Variants in TGIF1 observed in about 807,000 individuals in gnomAD.
The protein encoded by TGIF1 is TGFB induced factor homeobox 1, also known as homeobox protein TGIF1.
A neutral mutation model predicts 19.3 loss-of-function variants in TGIF1; 4 were observed. The observed-to-expected ratio is 0.21, with a 90% CI of 0.10 to 0.47. TGIF1 has a LOEUF of 0.47. Ranked by LOEUF, TGIF1 falls within the 20% of genes least tolerant of loss-of-function variation. The probability of loss-of-function intolerance (pLI) is 0.98; values close to 1 mark genes in which losing one functional copy is unlikely to be tolerated. For synonymous variants in TGIF1, 122 were observed against 129.3 expected (o/e 0.94, Z 0.38); for missense variants, 275 against 341.4 (o/e 0.81, Z 1.53).
chr18:3,454,625 T>C (rs7240659), intron 1 of TGIF1, among the ~76,000 whole-genome samples: 5,738 of 152,314 alleles, frequency 0.038, 280 homozygotes, highest in African/African-American at 0.12. Flanking sequence ...AAGTCTCATC[T>C]TGCCAATAGT....
At chr18:3,439,856 A>G (rs2082660596) in intron 2 of TGIF1, among the ~76,000 whole-genome samples, 1 of 150,948 alleles carries the variant, frequency 6.6e-6, no homozygotes, top group Non-Finnish European at 1.5e-5. Context: ...CCCGGTCTCT[A>G]AAAAAAATAC....
rs557160202 is a variant in TGIF1, at chr18:3,434,393, G to A, written c.-45+16178G>A. ...CTCTACTAAAAATACAAAATTACCC[G>A]GGCGTGGTGGTGCATGCCTGTAATC... On this transcript the variant is annotated intron_variant, in intron 2 of 3. Transcript: ENST00000401449. 2.0e-5 allele frequency among the ~76,000 whole-genome samples: 3 copies of A among 151,874 alleles called. No homozygotes were observed. In the East Asian group the frequency reaches 5.8e-4, roughly 30 times the overall value.
intron 1 of TGIF1, among the ~76,000 whole-genome samples, chr18:3,416,846 G>A (rs903914297): frequency 4.0e-5 from 6 of 150,592 alleles, no homozygotes; most frequent in African/African-American, 9.7e-5. Flanking sequence ...CAGGAGAATC[G>A]CTTGAACCCA....
chr18:3,449,386 G>A (rs2082825500), upstream of TGIF1: 6 of 985,298 alleles, frequency 6.1e-6, no homozygotes, highest in Admixed American at 6.2e-5. Flanking sequence ...CGCGCGCCCG[G>A]CCGTCCCCGG....
chr18:3,422,386 G>A (rs937969120), intron 2 of TGIF1, among the ~76,000 whole-genome samples: 5 of 150,458 alleles, frequency 3.3e-5, no homozygotes, highest in Non-Finnish European at 4.4e-5. Context: ...GAGCTGTACA[G>A]TGTGCTTGTT....
chr18:3,442,217 A>G (rs575155808), intron 2 of TGIF1, among the ~76,000 whole-genome samples: 2 of 152,280 alleles, frequency 1.3e-5, no homozygotes, highest in South Asian at 2.1e-4. Flanking sequence ...ATTTCTGTCA[A>G]TTTTATTCCT....
chr18:3,429,557 A>C (rs1311338272), intron 2 of TGIF1, among the ~76,000 whole-genome samples: 3 of 152,328 alleles, frequency 2.0e-5, no homozygotes, highest in East Asian at 3.9e-4. Flanking sequence ...CATGGGCTTT[A>C]CCGAATCGAG....
At chr18:3,430,531 C>G (rs2082533268) in intron 2 of TGIF1, among the ~76,000 whole-genome samples, 1 of 152,136 alleles carries the variant, frequency 6.6e-6, no homozygotes. Flanking sequence ...GAGACGAAGT[C>G]TTGCTCTGTC....
rs546746343 is a variant in TGIF1 at position 3,418,851 on chromosome 18, A to G, written c.-45+636A>G. 5 of 152,354 alleles carry G rather than the reference A, an allele frequency of 3.3e-5. No homozygotes were observed. In the East Asian group the frequency reaches 9.6e-4, roughly 29 times the overall value. The allele number at this position is 152,354 out of a possible 1,614,324, so 9.4% of individuals were successfully genotyped here. ...GGTGGGCGGATCACCTGAGGTCAGG[A>G]GTTTGAGACCAGCCTGGCCAACATG... On this transcript the variant is annotated intron_variant, in intron 2 of 3. Coordinates refer to the TGIF1 transcript ENST00000401449.
intron 2 of TGIF1, among the ~76,000 whole-genome samples, chr18:3,420,077 C>G (rs2082382495): frequency 2.0e-5 from 3 of 151,802 alleles, no homozygotes; most frequent in Admixed American, 2.0e-4. Context: ...TGTAAATGCT[C>G]AATTAAAATC....
At chr18:3,416,762 T>G (rs1417472037) in intron 1 of TGIF1, among the ~76,000 whole-genome samples, 1 of 151,716 alleles carries the variant, frequency 6.6e-6, no homozygotes, top group Non-Finnish European at 1.5e-5. Flanking sequence ...TGAATCCCCA[T>G]CTCTACTAAA....
At chr18:3,413,829 GGCT>G (rs1371221733) in intron 1 of TGIF1, among the ~76,000 whole-genome samples, 1 of 152,098 alleles carries the variant, frequency 6.6e-6, no homozygotes, top group Non-Finnish European at 1.5e-5. Flanking sequence ...TTCATTCTAT[GGCT>G]GCCGTAATAA....
chr18:3,457,959 A>G lies in TGIF1; in HGVS notation c.*19A>G, dbSNP rs145621092. The stretch of plus-strand genomic sequence containing the variant: ...AGCTTAACCCATTTTCAAGCAAAAC[A>G]GTTCTCAGAAATGTCATGATTGCCG... On this transcript the variant is annotated 3_prime_UTR_variant, in exon 3 of 3. Transcript: ENST00000343820. This position sits in a 1 kb window ranked among gnomAD's most constrained non-coding sequence, Gnocchi z 4.9. 2.5e-4 allele frequency: 396 copies of G among 1,596,582 alleles called. 2 individuals are homozygous for G. The Middle Eastern group carries it at 6.3e-3, about 25-fold the overall frequency.
chr18:3,423,054 C>T (rs1163202513), intron 2 of TGIF1, among the ~76,000 whole-genome samples: 1 of 151,982 alleles, frequency 6.6e-6, no homozygotes, highest in Non-Finnish European at 1.5e-5. Context: ...CAATACTTAC[C>T]ATTGTGTTGC....
At position 3,456,290 on chromosome 18, in the gene TGIF1, G is replaced by A; in HGVS notation, c.17-64G>A. 1 of 1,461,886 alleles carries A rather than the reference G, an allele frequency of 6.8e-7. No homozygotes were observed. The highest frequency in any genetic ancestry group is 9.6e-7 in the Non-Finnish European group (1 of 1,042,670). The allele number at this position is 1,461,886 out of a possible 1,614,324, so 90.6% of individuals were successfully genotyped here. A position where few individuals can be genotyped will look rare whatever the true frequency, so the allele number is the denominator to read the frequency against. ...GGTTACATTGAATGGTCAGCGTTAA[G>A]TGAGCTTTGCAATAGTTGCTGTGCT... is the stretch of plus-strand genomic sequence containing the variant. On this transcript the variant is annotated intron_variant, in intron 1 of 2. Transcript: ENST00000343820. The surrounding 1 kb of genome is among the most constrained non-coding windows in gnomAD (Gnocchi z 4.2).
In TGIF1 at chr18:3,457,976, T is replaced by C; in HGVS notation, c.*36T>C. The C allele has an allele frequency of 6.3e-7, 1 of 1,582,858 alleles. No homozygotes were observed. Among genetic ancestry groups the C allele is most frequent in the African/African-American group, 1.3e-5 (1 of 74,666 alleles). On this transcript the variant is annotated 3_prime_UTR_variant, in exon 3 of 3. Coordinates refer to ENST00000343820, the MANE Select transcript of TGIF1 (RefSeq NM_003244.4). This position sits in a 1 kb window ranked among gnomAD's most constrained non-coding sequence, Gnocchi z 4.9. Reference sequence around the variant, plus strand: ...AGCAAAACAGTTCTCAGAAATGTCATGATTGCCGGGGTGAAGGCAAGAGAT... The same window carrying C: ...AGCAAAACAGTTCTCAGAAATGTCACGATTGCCGGGGTGAAGGCAAGAGAT...
At chr18:3,434,916 A>T (rs902448714) in intron 2 of TGIF1, among the ~76,000 whole-genome samples, 8 of 152,214 alleles carry the variant, frequency 5.3e-5, no homozygotes, top group Non-Finnish European at 1.2e-4. Flanking sequence ...AATAAAGCCA[A>T]GTAAAATAGC....
At chr18:3,431,236 C>G (rs2082542925) in intron 2 of TGIF1, among the ~76,000 whole-genome samples, 1 of 152,152 alleles carries the variant, frequency 6.6e-6, no homozygotes, top group Non-Finnish European at 1.5e-5. Flanking sequence ...AACCTGAGGT[C>G]AGGAGTTCAA....
intron 2 of TGIF1, among the ~76,000 whole-genome samples, chr18:3,443,412 T>A (rs2082698838): frequency 6.8e-6 from 1 of 146,610 alleles, no homozygotes; most frequent in South Asian, 2.1e-4. Flanking sequence ...TAATAATACT[T>A]TTTTTTTTTT....
Sources: allele counts gnomAD v4.1 joint callset (sites outside exome capture counted in the v4.1 genomes callset), GRCh38; gene constraint gnomAD v4.1.1; non-coding constraint Gnocchi (gnomAD v3.1); transcripts MANE v1.5; gene names NCBI Gene and HGNC (gene_info 2026-07-23, HGNC 2026-07-21).